The following CLK4 variants were observed in gnomAD, a reference collection of about 807,000 sequenced individuals.
CLK4 encodes CDC like kinase 4, also known as dual specificity protein kinase CLK4.
Under a neutral mutation model 64.4 loss-of-function variants are expected in CLK4, and 37 were observed. The observed-to-expected ratio is 0.57, with a 90% CI of 0.44 to 0.76. CLK4 has a LOEUF of 0.76. Ranked by LOEUF, CLK4 falls within the 30% of genes least tolerant of loss-of-function variation. CLK4 has a pLI of 0.00. For synonymous variants in CLK4, 175 were observed against 191.6 expected, an observed-to-expected ratio of 0.91 and a Z score of 0.72; for missense variants, 457 against 605.1, an observed-to-expected ratio of 0.76 and a Z score of 2.57.
At chr5:178,620,662 T>G in intron 2 of CLK4, 1 of 443,908 alleles carries the variant, frequency 2.3e-6, no homozygotes, top group Non-Finnish European at 4.5e-6. Flanking sequence ...CGTTTTTATA[T>G]CCACACAGGT....
intron 3 of CLK4, chr5:178,618,095 T>A (rs754660391): frequency 6.6e-6 from 1 of 152,206 alleles, no homozygotes; most frequent in African/African-American, 2.4e-5. Flanking sequence ...AAAGAATTCA[T>A]TGCAGACAAT....
chr5:178,618,713 T>C lies in CLK4; in HGVS notation c.227A>G (p.Tyr76Cys). 1 of 1,614,044 alleles carries C rather than the reference T, an allele frequency of 6.2e-7. No individual in the cohort carries two copies. The highest frequency in any genetic ancestry group is 1.1e-5 in the South Asian group (1 of 91,084). The change falls in exon 3 of 13, where the codon TAC (tyrosine) becomes TGC (cysteine). Residue 76 changes from tyrosine (Y) to cysteine (C), a missense_variant. Physicochemically the swap from Tyr to Cys is radical, Grantham distance 194. Coordinates refer to ENST00000316308, the MANE Select transcript of CLK4 (RefSeq NM_020666.3). Reference protein sequence around the residue: ...DYRDRRYVDEYRNDYCEGYVP... With the variant: ...DYRDRRYVDECRNDYCEGYVP... ...ATATCCTTCACAGTAGTCATTCCTG[T>C]ATTCGTCAACGTATCTCCGGTCCCG... is the stretch of plus-strand genomic sequence containing the variant.
At chr5:178,626,579 G>T (rs1229298773) in intron 1 of CLK4, among the ~76,000 whole-genome samples, 1 of 152,226 alleles carries the variant, frequency 6.6e-6, no homozygotes, top group Non-Finnish European at 1.5e-5. Flanking sequence ...CTTGATCTCC[G>T]ACAACACGAA....
rs188004427 is a variant in CLK4, at chr5:178,606,039, T to C, written c.1135-657A>G. Among the ~76,000 whole-genome samples the C allele has an allele frequency of 1.2e-4, 18 of 152,334 alleles. No individual in the cohort carries two copies. In the East Asian group the frequency reaches 3.3e-3, roughly 28 times the overall value. ...CTGTATGCAACACTTTTAAAAGAAA[T>C]CTATCAACTACTGTGCCTTGCATAT... On this transcript the variant is annotated intron_variant, in intron 10 of 12. Coordinates refer to ENST00000316308, the MANE Select transcript of CLK4 (RefSeq NM_020666.3).
chr5:178,624,223 C>T (rs920431032), intron 1 of CLK4, among the ~76,000 whole-genome samples: 8 of 152,190 alleles, frequency 5.3e-5, no homozygotes. Context: ...TGGCTCATGC[C>T]TGTAATCCCA....
At chr5:178,626,653 C>G (rs1334446698) in intron 1 of CLK4, among the ~76,000 whole-genome samples, 1 of 152,112 alleles carries the variant, frequency 6.6e-6, no homozygotes, top group African/African-American at 2.4e-5. Flanking sequence ...GGAAGAGGTC[C>G]CGACAGGGTT....
chr5:178,620,731 C>A, intron 2 of CLK4: 2 of 330,700 alleles, frequency 6.0e-6, no homozygotes, highest in Non-Finnish European at 1.2e-5. Flanking sequence ...AAATAATGAA[C>A]AATTTGAGAT....
intron 1 of CLK4, among the ~76,000 whole-genome samples, chr5:178,626,478 C>A (rs1764781410): frequency 6.6e-6 from 1 of 152,200 alleles, no homozygotes; most frequent in African/African-American, 2.4e-5. Context: ...CCGGCCAGTG[C>A]CTTTGGCGCA....
Position 178,623,392 on chromosome 5 carries a change from A to G in CLK4, c.25T>C (p.Cys9Arg), listed in dbSNP as rs1206145943. 6.2e-7 allele frequency: 1 copy of G among 1,611,926 alleles called. No individual in the cohort carries two copies. The highest frequency in any genetic ancestry group is 8.5e-7 in the Non-Finnish European group (1 of 1,179,412). The change falls in exon 2 of 13, where the codon TGT becomes CGT. Residue 9 changes from cysteine to arginine, a missense_variant. By Grantham distance (180) the Cys-to-Arg change is radical. Transcript: ENST00000316308. The stretch of plus-strand genomic sequence containing the variant: ...CTTTCTCTGCTATCCCAATCAGGAC[A>G]GTGAGTTCTTTTGGAATGCCGCATC... MRHSKRTHCPDWDSRESWG... is the reference protein window; with the variant it reads MRHSKRTHRPDWDSRESWG...
intron 1 of CLK4, among the ~76,000 whole-genome samples, chr5:178,626,358 T>C (rs1245970832): frequency 6.6e-6 from 1 of 152,208 alleles, no homozygotes; most frequent in Non-Finnish European, 1.5e-5. Context: ...GTGTTCAGCA[T>C]AGCACAGAGG....
intron 9 of CLK4, among the ~76,000 whole-genome samples, chr5:178,611,897 A>C (rs1764562783): frequency 6.6e-6 from 1 of 152,196 alleles, no homozygotes; most frequent in African/African-American, 2.4e-5. Flanking sequence ...GTTGAGGCAT[A>C]ACACTCCCTT....
At chr5:178,625,213 C>A (rs948257520) in intron 1 of CLK4, among the ~76,000 whole-genome samples, 4 of 152,128 alleles carry the variant, frequency 2.6e-5, no homozygotes, top group Non-Finnish European at 5.9e-5. Context: ...AGTGGCGCCT[C>A]ATCCCTTGAG....
chr5:178,612,376 T>C, intron 9 of CLK4, 40 bp downstream of exon 9: 1 of 1,542,670 alleles, frequency 6.5e-7, no homozygotes, highest in Non-Finnish European at 8.8e-7. Flanking sequence ...CAAAAATCTC[T>C]TCTTCAATTA....
intron 9 of CLK4, 75 bp from the exon 10 acceptor site, chr5:178,608,533 T>C: frequency 3.7e-6 from 4 of 1,069,208 alleles, no homozygotes; most frequent in Non-Finnish European, 5.6e-6. Flanking sequence ...CTTCCCTATA[T>C]GAGTGCTCCC....
intron 1 of CLK4, among the ~76,000 whole-genome samples, chr5:178,624,296 C>T (rs1298295201): frequency 6.6e-6 from 1 of 152,182 alleles, no homozygotes; most frequent in Non-Finnish European, 1.5e-5. Context: ...GTGAAACTGT[C>T]TCTACAAAAA....
intron 2 of CLK4, chr5:178,622,402 A>C: frequency 1.0e-6 from 1 of 985,780 alleles, no homozygotes; most frequent in Non-Finnish European, 1.2e-6. Context: ...CTGTTTTTTA[A>C]AGTAACCCCA....
At chr5:178,623,014 C>T (rs1764729954) in intron 2 of CLK4, 5 of 449,828 alleles carry the variant, frequency 1.1e-5, no homozygotes, top group Non-Finnish European at 2.0e-5. Flanking sequence ...ATTTCACATT[C>T]ACTTACTGAT....
At position 178,603,914 on chromosome 5, in the gene CLK4, T is replaced by C. The variant is rs368515816; in HGVS notation, c.1235A>G (p.His412Arg). Residue 412 changes from histidine to arginine, a missense_variant, in exon 12 of 13, where the codon CAT becomes CGT. Physicochemically the swap from His to Arg is conservative, Grantham distance 29 (BLOSUM62 0). Transcript: ENST00000316308. ...QKTRKRKYFH[H>R]NQLDWDEHSS... ...GTGTTCATCCCAATCTAGCTGGTTATGGTGAAAATACTTGCGTTTTCTACA... is the reference window on the plus strand; with the variant it reads ...GTGTTCATCCCAATCTAGCTGGTTACGGTGAAAATACTTGCGTTTTCTACA... The C allele has an allele frequency of 6.2e-6, 10 of 1,606,134 alleles. No individual in the cohort carries two copies. In the East Asian group the frequency reaches 1.8e-4, roughly 29 times the overall value.
At chr5:178,608,259 T>C in intron 10 of CLK4, 117 bp downstream of exon 10, 1 of 684,100 alleles carries the variant, frequency 1.5e-6, no homozygotes, top group Non-Finnish European at 2.5e-6. Flanking sequence ...TGCCTAAGTT[T>C]TAATCTCAAG....
Sources: gnomAD v4.1 joint callset for allele counts (sites outside exome capture counted in the v4.1 genomes callset) on GRCh38, gnomAD v4.1.1 for gene constraint, MANE v1.5 for transcripts, NCBI Gene and HGNC (gene_info 2026-07-23, HGNC 2026-07-21) for gene names.